Variants in DLGAP2 observed in about 807,000 individuals in gnomAD.
DLGAP2 encodes DLG associated protein 2, also known as disks large-associated protein 2.
Under a neutral mutation model 100.3 loss-of-function variants are expected in DLGAP2, and 26 were observed. The ratio of observed to expected loss-of-function variants is 0.26; its 90% confidence interval spans 0.19 to 0.36. The LOEUF (loss-of-function observed/expected upper bound fraction) is 0.36, where lower values mean the gene tolerates loss of function less well. Among genes scored for constraint, DLGAP2 ranks in the 10% least tolerant of loss-of-function variants. DLGAP2 has a pLI of 1.00. For missense variants in DLGAP2, 1,858 were observed against 1,453.2 expected (o/e 1.28, Z -4.53); for synonymous variants, 886 against 630.1 (o/e 1.41, Z -6.08).
intron 3 of DLGAP2, among the ~76,000 whole-genome samples, chr8:1,316,295 A>AGT (rs901653190): frequency 7.6e-6 from 1 of 132,230 alleles, no homozygotes; most frequent in Non-Finnish European, 1.6e-5. Context: ...TCTCTCCAAC[A>AGT]GTGGTCTACA....
intron 1 of DLGAP2, among the ~76,000 whole-genome samples, chr8:853,409 C>G (rs1053522827): frequency 6.6e-6 from 1 of 152,226 alleles, no homozygotes; most frequent in African/African-American, 2.4e-5. Context: ...GGGGTCTGCT[C>G]AGATAGACAG....
intron 3 of DLGAP2, among the ~76,000 whole-genome samples, chr8:1,422,708 G>A (rs965628280): frequency 6.6e-6 from 1 of 152,118 alleles, no homozygotes; most frequent in African/African-American, 2.4e-5. Context: ...TGCTCGTTAA[G>A]TGCTCAGGGA....
chr8:1,332,064 G>A (rs577677980), intron 3 of DLGAP2, among the ~76,000 whole-genome samples: 68 of 152,330 alleles, frequency 4.5e-4, no homozygotes, highest in African/African-American at 1.5e-3. Context: ...AGCCCTCTGT[G>A]AGGGGTTTCC....
chr8:836,659 G>A (rs1462866032), intron 1 of DLGAP2, among the ~76,000 whole-genome samples: 2 of 152,190 alleles, frequency 1.3e-5, no homozygotes, highest in Non-Finnish European at 2.9e-5. Context: ...CCGTTTCCCC[G>A]GCCTACAGGC....
At chr8:768,832 A>G (rs1821282678) in intron 1 of DLGAP2, among the ~76,000 whole-genome samples, 1 of 152,188 alleles carries the variant, frequency 6.6e-6, no homozygotes, top group African/African-American at 2.4e-5. Context: ...ATGCTTTAAA[A>G]ATATGAAATT....
chr8:762,690 G>A (rs898019486), intron 1 of DLGAP2, among the ~76,000 whole-genome samples: 1 of 152,002 alleles, frequency 6.6e-6, no homozygotes, highest in Non-Finnish European at 1.5e-5. Context: ...TTGATTGAAG[G>A]AGACAGGGTC....
intron 7 of DLGAP2, among the ~76,000 whole-genome samples, chr8:1,632,451 GC>G (rs1563269206): frequency 6.6e-6 from 1 of 152,156 alleles, no homozygotes; most frequent in African/African-American, 2.4e-5. Flanking sequence ...GAAAGGGGGG[GC>G]CGTCATGTGG....
chr8:1,044,847 C>G (rs1585009316), intron 2 of DLGAP2, among the ~76,000 whole-genome samples: 1 of 152,220 alleles, frequency 6.6e-6, no homozygotes, highest in South Asian at 2.1e-4. Flanking sequence ...CACGTGCTTC[C>G]TCAGGGTCAA....
intron 2 of DLGAP2, among the ~76,000 whole-genome samples, chr8:1,115,302 C>G (rs1014513502): frequency 2.0e-5 from 3 of 152,150 alleles, no homozygotes; most frequent in Non-Finnish European, 4.4e-5. Flanking sequence ...ACGTCTTCCA[C>G]TATTATTGTG....
At chr8:1,305,907 T>A (rs1800478602) in intron 3 of DLGAP2, among the ~76,000 whole-genome samples, 1 of 152,184 alleles carries the variant, frequency 6.6e-6, no homozygotes, top group South Asian at 2.1e-4. Flanking sequence ...TAAATGGGAT[T>A]ATTTTCTTAA....
At chr8:1,345,071 T>C (rs1801523408) in intron 3 of DLGAP2, among the ~76,000 whole-genome samples, 1 of 152,332 alleles carries the variant, frequency 6.6e-6, no homozygotes, top group African/African-American at 2.4e-5. Flanking sequence ...ATCTGGCCCT[T>C]TGCAAAGTTC....
intron 1 of DLGAP2, among the ~76,000 whole-genome samples, chr8:854,372 T>C (rs935755895): frequency 1.3e-5 from 2 of 152,048 alleles, no homozygotes; most frequent in Admixed American, 6.5e-5. Flanking sequence ...GTGGGCTCTG[T>C]CTTGGTCCAT....
At chr8:1,581,470 A>C (rs1803253970) in intron 6 of DLGAP2, among the ~76,000 whole-genome samples, 1 of 151,314 alleles carries the variant, frequency 6.6e-6, no homozygotes. Flanking sequence ...ACAAAACTCC[A>C]CACATATATA....
intron 2 of DLGAP2, among the ~76,000 whole-genome samples, chr8:1,155,250 GCTT>G (rs1456906516): frequency 3.3e-5 from 5 of 152,102 alleles, no homozygotes; most frequent in Admixed American, 6.5e-5. Context: ...ATGACTTGTC[GCTT>G]CTTCTTCTTG....
intron 1 of DLGAP2, among the ~76,000 whole-genome samples, chr8:799,528 C>T (rs1796104899): frequency 6.6e-6 from 1 of 152,170 alleles, no homozygotes; most frequent in Non-Finnish European, 1.5e-5. Context: ...TACCTAACAG[C>T]GTCCACATTA....
At chr8:994,166 A>T (rs1563133245) in intron 2 of DLGAP2, among the ~76,000 whole-genome samples, 1 of 152,016 alleles carries the variant, frequency 6.6e-6, no homozygotes, top group Admixed American at 6.6e-5. Flanking sequence ...AAGTAGATAG[A>T]AATTATTTTG....
At chr8:1,323,149 C>T (rs1800944900) in intron 3 of DLGAP2, among the ~76,000 whole-genome samples, 1 of 151,982 alleles carries the variant, frequency 6.6e-6, no homozygotes, top group African/African-American at 2.4e-5. Context: ...CCTACCTCAG[C>T]CTCCTGAGTA....
chr8:819,259 A>G (rs540527995), intron 1 of DLGAP2, among the ~76,000 whole-genome samples: 1 of 152,364 alleles, frequency 6.6e-6, no homozygotes, highest in East Asian at 1.9e-4. Context: ...AGATAAGGAT[A>G]TTTAAAAAAC....
chr8:1,668,207 A>T, intron 8 of DLGAP2, 122 bp from the exon 9 acceptor site: 1 of 850,258 alleles, frequency 1.2e-6, no homozygotes, highest in Non-Finnish European at 1.8e-6. Flanking sequence ...CTATTTTTTT[A>T]GGCTAGACGT....
Sources: allele counts gnomAD v4.1 joint callset (sites outside exome capture counted in the v4.1 genomes callset), GRCh38; gene constraint gnomAD v4.1.1; transcripts MANE v1.5; gene names NCBI Gene and HGNC (gene_info 2026-07-23, HGNC 2026-07-21).